MAPK10: variants seen among roughly 807,000 people sequenced by gnomAD.
MAPK10 encodes the protein mitogen-activated protein kinase 10.
MAPK10 carries 25 observed loss-of-function variants against 59.3 expected under a neutral mutation model. The ratio of observed to expected loss-of-function variants is 0.42; its 90% CI spans 0.31 to 0.59. The LOEUF (loss-of-function observed/expected upper bound fraction) is 0.59, where lower values mean the gene tolerates loss of function less well. Among genes scored for constraint, MAPK10 ranks in the 20% least tolerant of loss-of-function variants. The pLI, the probability that MAPK10 is intolerant of heterozygous loss-of-function variation, is 0.15. For missense variants in MAPK10, 351 were observed against 568.9 expected (o/e 0.62, Z 3.90); for synonymous variants, 190 against 200.5 (o/e 0.95, Z 0.44).
chr4:86,218,818 C>G (rs1414670963), intron 2 of MAPK10, among the ~76,000 whole-genome samples: 1 of 152,136 alleles, frequency 6.6e-6, no homozygotes, highest in East Asian at 1.9e-4. Context: ...TCGGAGGTCA[C>G]TCTATCTCCC....
intron 1 of MAPK10, among the ~76,000 whole-genome samples, chr4:86,549,381 C>A (rs754581361): frequency 1.3e-5 from 2 of 152,142 alleles, no homozygotes; most frequent in Admixed American, 1.3e-4. Flanking sequence ...TCCTACACTA[C>A]AAACCTGCAC....
chr4:86,408,675 GTC>G (rs1475999351), intron 1 of MAPK10, among the ~76,000 whole-genome samples: 5 of 152,150 alleles, frequency 3.3e-5, no homozygotes, highest in Non-Finnish European at 5.9e-5. Context: ...TTTTTCATGT[GTC>G]TGTTGGCTGC....
At chr4:86,442,975 G>A (rs1209726478) in intron 1 of MAPK10, among the ~76,000 whole-genome samples, 1 of 152,158 alleles carries the variant, frequency 6.6e-6, no homozygotes, top group African/African-American at 2.4e-5. Flanking sequence ...TGATCCATCA[G>A]AGAAGGGAGG....
chr4:86,112,755 C>G (rs756326277), intron 4 of MAPK10, among the ~76,000 whole-genome samples: 20 of 151,996 alleles, frequency 1.3e-4, no homozygotes, highest in Middle Eastern at 3.4e-3. Context: ...TGAGTTCAAG[C>G]CCTGAATATC....
At chr4:86,387,237 G>C (rs1741584443) in intron 1 of MAPK10, among the ~76,000 whole-genome samples, 1 of 152,194 alleles carries the variant, frequency 6.6e-6, no homozygotes, top group Non-Finnish European at 1.5e-5. Flanking sequence ...GATTGTCTCA[G>C]ATAGGGAGGA....
intron 1 of MAPK10, among the ~76,000 whole-genome samples, chr4:86,421,534 G>A (rs766229222): frequency 1.3e-5 from 2 of 152,076 alleles, no homozygotes; most frequent in African/African-American, 2.4e-5. Context: ...TCATAGAGGA[G>A]GTAGCATCTG....
At chr4:86,260,413 T>C (rs1028434406) in intron 2 of MAPK10, among the ~76,000 whole-genome samples, 1 of 152,144 alleles carries the variant, frequency 6.6e-6, no homozygotes, top group Non-Finnish European at 1.5e-5. Flanking sequence ...TTCTTTAGGA[T>C]TTGTACTGCA....
chr4:86,168,074 G>C (rs892541566), intron 3 of MAPK10, among the ~76,000 whole-genome samples: 1 of 152,106 alleles, frequency 6.6e-6, no homozygotes, highest in South Asian at 2.1e-4. Flanking sequence ...AGCATTCTGA[G>C]AGGACAGCCA....
chr4:86,294,024 A>C (rs1249462853), intron 2 of MAPK10, among the ~76,000 whole-genome samples: 1 of 152,182 alleles, frequency 6.6e-6, no homozygotes, highest in Non-Finnish European at 1.5e-5. Flanking sequence ...ACAACCCAGA[A>C]GTGCGGAGTT....
chr4:86,296,727 C>A (rs1033293598), intron 2 of MAPK10, among the ~76,000 whole-genome samples: 1 of 152,042 alleles, frequency 6.6e-6, no homozygotes, highest in African/African-American at 2.4e-5. Flanking sequence ...GTAAAATTCT[C>A]CTTAGAGTTA....
chr4:86,151,329 A>G (rs1263949056), intron 4 of MAPK10, among the ~76,000 whole-genome samples: 1 of 152,176 alleles, frequency 6.6e-6, no homozygotes, highest in Non-Finnish European at 1.5e-5. Context: ...GAAAGTTGTA[A>G]AAGGATTGTA....
chr4:86,517,451 AT>A (rs1756773546), intron 1 of MAPK10, among the ~76,000 whole-genome samples: 1 of 151,596 alleles, frequency 6.6e-6, no homozygotes, highest in Non-Finnish European at 1.5e-5. Flanking sequence ...AACTTTTTGT[AT>A]TTTTAGTAGA....
intron 2 of MAPK10, among the ~76,000 whole-genome samples, chr4:86,204,106 T>G (rs1242217641): frequency 6.6e-6 from 1 of 151,936 alleles, no homozygotes; most frequent in Non-Finnish European, 1.5e-5. Flanking sequence ...TGAGAGGAAC[T>G]GCATAAGCTA....
intron 11 of MAPK10, among the ~76,000 whole-genome samples, chr4:86,060,542 CA>C (rs1237490907): frequency 7.2e-5 from 11 of 151,974 alleles, no homozygotes; most frequent in Admixed American, 3.3e-4. Context: ...GTGGTAAAGC[CA>C]CCACTGGATC....
chr4:86,098,746 C>T (rs549373795), intron 8 of MAPK10, 151 bp from the exon 9 acceptor site: 4 of 651,736 alleles, frequency 6.1e-6, no homozygotes, highest in Non-Finnish European at 1.1e-5. Flanking sequence ...TGAATTCAAA[C>T]CAGCGCTATG....
intron 1 of MAPK10, chr4:86,356,503 A>T (rs1445552458): frequency 1.1e-6 from 1 of 918,424 alleles, no homozygotes; most frequent in Non-Finnish European, 1.3e-6. Flanking sequence ...ATTCACAATA[A>T]GAAATACAGC....
chr4:86,506,695 C>T (rs571078529), intron 1 of MAPK10, among the ~76,000 whole-genome samples: 60 of 152,262 alleles, frequency 3.9e-4, no homozygotes, highest in Non-Finnish European at 7.1e-4. Context: ...ATTACCACTA[C>T]TGGAGCCTAA....
chr4:86,160,537 G>A (rs1302758905), intron 3 of MAPK10: 1 of 151,982 alleles, frequency 6.6e-6, no homozygotes, highest in Non-Finnish European at 1.5e-5. Context: ...AGATTTGTGG[G>A]CAGGTTTTAA....
intron 11 of MAPK10, among the ~76,000 whole-genome samples, chr4:86,055,872 A>T (rs761020617): frequency 2.7e-5 from 4 of 150,108 alleles, no homozygotes; most frequent in Non-Finnish European, 5.9e-5. Flanking sequence ...AATTTTATAT[A>T]ATAAACTTCA....
Sources: gnomAD v4.1 joint callset for allele counts (sites outside exome capture counted in the v4.1 genomes callset) on GRCh38, gnomAD v4.1.1 for gene constraint, MANE v1.5 for transcripts, NCBI Gene and HGNC (gene_info 2026-07-23, HGNC 2026-07-21) for gene names.